CYFIP2: variants seen among roughly 807,000 people sequenced by gnomAD.
The protein encoded by CYFIP2 is cytoplasmic FMR1-interacting protein 2.
In CYFIP2, 29 loss-of-function variants were observed where a neutral mutation model predicts 158.7. That is an observed-to-expected ratio of 0.18 (90% CI 0.14 to 0.25). The LOEUF is 0.25. CYFIP2 is among the 10% of genes least tolerant of loss of function. The probability of loss-of-function intolerance (pLI) is 1.00; values close to 1 mark genes in which losing one functional copy is unlikely to be tolerated. For missense variants in CYFIP2, 852 were observed against 1,639.5 expected (o/e 0.52, Z 8.29); for synonymous variants, 585 against 617.6 (o/e 0.95, Z 0.78).
chr5:157,315,394 A>C (rs1760059170), intron 13 of CYFIP2, among the ~76,000 whole-genome samples: 1 of 152,250 alleles, frequency 6.6e-6, no homozygotes, highest in African/African-American at 2.4e-5. Context: ...AAAAATGCCC[A>C]AACTGGTCAG....
intron 23 of CYFIP2, among the ~76,000 whole-genome samples, chr5:157,351,656 T>G (rs1278002980): frequency 6.6e-6 from 1 of 152,232 alleles, no homozygotes; most frequent in Non-Finnish European, 1.5e-5. Context: ...CTGGGCCTGT[T>G]GGCCACTAGA....
At chr5:157,304,461 T>G in intron 8 of CYFIP2, 95 bp downstream of exon 8, 1 of 1,390,448 alleles carries the variant, frequency 7.2e-7, no homozygotes, top group South Asian at 1.4e-5. Context: ...TGTTTCTTTT[T>G]TCTTAAACAT....
chr5:157,374,290 C>G (rs978665332), intron 26 of CYFIP2, among the ~76,000 whole-genome samples: 4 of 152,144 alleles, frequency 2.6e-5, no homozygotes, highest in Non-Finnish European at 4.4e-5. Flanking sequence ...AAAATGGTAT[C>G]CTTCCTCAGG....
intron 26 of CYFIP2, among the ~76,000 whole-genome samples, chr5:157,371,722 T>C (rs1195242083): frequency 6.6e-6 from 1 of 152,136 alleles, no homozygotes; most frequent in East Asian, 1.9e-4. Context: ...AACTATAATA[T>C]GAAAAGAAAA....
At chr5:157,341,428 T>C (rs1439641725) in intron 23 of CYFIP2, among the ~76,000 whole-genome samples, 1 of 152,112 alleles carries the variant, frequency 6.6e-6, no homozygotes, top group African/African-American at 2.4e-5. Context: ...CATGGCGGCA[T>C]GCACCAGTAG....
Position 157,361,388 on chromosome 5 carries a change from G to T in CYFIP2, c.2909-80G>T, listed in dbSNP as rs902664725. ...TTGCTATCCCAGAGTCAGGTCTGGG[G>T]CTGCCACTCAGTCATTGTTTCCCAT... On this transcript the variant is annotated intron_variant, in intron 25 of 30. Transcript: ENST00000620254. The surrounding 1 kb of genome is among the most constrained non-coding windows in gnomAD (Gnocchi z 4.4). 1.5e-5 allele frequency: 24 copies of T among 1,591,708 alleles called. No homozygotes were observed. The highest frequency in any genetic ancestry group is 2.1e-5 in the Non-Finnish European group (24 of 1,165,108).
chr5:157,378,874 A>G (rs1375200689), intron 26 of CYFIP2, among the ~76,000 whole-genome samples: 1 of 152,238 alleles, frequency 6.6e-6, no homozygotes, highest in Non-Finnish European at 1.5e-5. Context: ...GAGACCATTT[A>G]ATCCAGCCTC....
intron 6 of CYFIP2, 140 bp from the exon 7 acceptor site, chr5:157,302,654 T>C (rs2113894569): frequency 1.6e-6 from 1 of 617,740 alleles, no homozygotes; most frequent in Non-Finnish European, 2.8e-6. Context: ...TCGACATTAG[T>C]GTTGCCTGGG....
chr5:157,318,850 A>G (rs1001373670), intron 13 of CYFIP2, among the ~76,000 whole-genome samples: 2 of 152,168 alleles, frequency 1.3e-5, no homozygotes, highest in Non-Finnish European at 2.9e-5. Context: ...TTCTGAATCA[A>G]TTGAGAAATT....
At chr5:157,285,610 T>C (rs1431495401) in intron 2 of CYFIP2, 132 bp downstream of exon 2, 1 of 732,648 alleles carries the variant, frequency 1.4e-6, no homozygotes, top group East Asian at 2.7e-5. Flanking sequence ...TGGAGTCCCT[T>C]GTGCGCTGGT....
rs1767661610 is a variant in CYFIP2, at chr5:157,395,418, T to C, written c.*2418T>C. 1 of 372,372 alleles carries C rather than the reference T, an allele frequency of 2.7e-6. No homozygotes were observed. The highest frequency in any genetic ancestry group is 2.1e-5 in the African/African-American group (1 of 46,816). The allele number at this position is 372,372 out of a possible 1,614,324, so 23.1% of individuals were successfully genotyped here. A position where few individuals can be genotyped will look rare whatever the true frequency, so the allele number is the denominator to read the frequency against. On this transcript the variant is annotated 3_prime_UTR_variant, in exon 31 of 31. Coordinates refer to ENST00000620254, the MANE Select transcript of CYFIP2 (RefSeq NM_001037333.3). ...TTGTTGGGAATTTTTGTACAATGAA[T>C]TTACATTTATTTATGGTGACATATT...
chr5:157,352,278 A>G (rs1486610863), intron 23 of CYFIP2, among the ~76,000 whole-genome samples: 1 of 152,202 alleles, frequency 6.6e-6, no homozygotes, highest in East Asian at 1.9e-4. Context: ...CAAATGCATC[A>G]TACCGTCATA....
intron 26 of CYFIP2, among the ~76,000 whole-genome samples, chr5:157,378,899 G>A (rs922406472): frequency 6.6e-6 from 1 of 152,150 alleles, no homozygotes; most frequent in Non-Finnish European, 1.5e-5. Context: ...TTTTGTTTAA[G>A]TTGCTAATTG....
At chr5:157,286,898 C>T (rs1757438689) in intron 2 of CYFIP2, 121 bp from the exon 3 acceptor site, 7 of 664,358 alleles carry the variant, frequency 1.1e-5, no homozygotes, top group South Asian at 1.0e-4. Flanking sequence ...AAAGGTGACG[C>T]AGCAGGAGGT....
rs1760527230 is a variant in CYFIP2 at position 157,320,709 on chromosome 5, C to G, written c.1578C>G (p.Pro526=). 6.2e-7 allele frequency: 1 copy of G among 1,613,606 alleles called. No individual in the cohort carries two copies. Among genetic ancestry groups the G allele is most frequent in the Admixed American group, 1.7e-5 (1 of 59,944 alleles). ...GTGACTGGGAGGGAGGGCGAGAGCC[C>G]CCTAATGACCCATGCTTGAGAGGGG... ...TICDWEGGRE[P]PNDPCLRGEK... Residue 526 remains proline (P), a synonymous_variant, in exon 15 of 31, where the codon CCC becomes CCG. Transcript: ENST00000620254.
At chr5:157,325,401 A>G (rs1430147234) in intron 16 of CYFIP2, 81 bp from the exon 17 acceptor site, 4 of 1,421,418 alleles carry the variant, frequency 2.8e-6, no homozygotes, top group Non-Finnish European at 3.7e-6. Context: ...TGACAATAAC[A>G]ATGAAAATTA....
chr5:157,302,928 T>G lies in CYFIP2; in HGVS notation c.666+38T>G, dbSNP rs780239897. ...TCCTTGTTAGGCCTGGCCTGATGTC[T>G]CGGGGTTATAGGCAGGCGTGTAGAG... On this transcript the variant is annotated intron_variant, in intron 7 of 30. Coordinates refer to ENST00000620254, the MANE Select transcript of CYFIP2 (RefSeq NM_001037333.3). 3.3e-6 allele frequency: 5 copies of G among 1,522,400 alleles called. No individual in the cohort carries two copies. The Admixed American group carries it at 1.0e-4, about 31-fold the overall frequency. 94.3% of individuals were successfully genotyped at this position (1,522,400 alleles called of 1,614,324 possible).
rs545409304 is a variant in CYFIP2 at position 157,359,247 on chromosome 5, C to T, written c.2817+99C>T. The T allele has an allele frequency of 1.1e-3, 1,495 of 1,384,682 alleles. 2 individuals carry two copies. Among genetic ancestry groups the T allele is most frequent in the Non-Finnish European group, 1.4e-3 (1,368 of 997,458 alleles). The allele number at this position is 1,384,682 out of a possible 1,614,324, so 85.8% of individuals were successfully genotyped here. A position where few individuals can be genotyped will look rare whatever the true frequency, so the allele number is the denominator to read the frequency against. On this transcript the variant is annotated intron_variant, in intron 24 of 30. Coordinates refer to ENST00000620254, the MANE Select transcript of CYFIP2 (RefSeq NM_001037333.3). ...TTACCTGGCCTGTAAAAACAAATCC[C>T]AGGCACTGCAGCTCTACCTGTAGAA...
intron 29 of CYFIP2, chr5:157,389,628 C>T (rs1767065918): frequency 5.3e-6 from 3 of 561,752 alleles, no homozygotes; most frequent in Non-Finnish European, 9.5e-6. Context: ...TCACTGCCTG[C>T]CTCACCCCCA....
Sources: allele counts gnomAD v4.1 joint callset (sites outside exome capture counted in the v4.1 genomes callset), GRCh38; gene constraint gnomAD v4.1.1; non-coding constraint Gnocchi (gnomAD v3.1); transcripts MANE v1.5; gene names NCBI Gene and HGNC (gene_info 2026-07-23, HGNC 2026-07-21).